Variants in OR51E2 observed in about 807,000 individuals in gnomAD.
OR51E2 encodes the protein olfactory receptor 51E2.
A neutral mutation model predicts 13.7 loss-of-function variants in OR51E2; 14 were observed. That is an observed-to-expected ratio of 1.02 (90% CI 0.68 to 1.60). The LOEUF (loss-of-function observed/expected upper bound fraction) is 1.60. Ranked by LOEUF, OR51E2 falls within the 40% of genes most tolerant of loss-of-function variation. The pLI is 0.00. For missense variants in OR51E2, 483 were observed against 413.8 expected (o/e 1.17, Z -1.45); for synonymous variants, 180 against 157.6 (o/e 1.14, Z -1.07).
intron 1 of OR51E2, among the ~76,000 whole-genome samples, chr11:4,692,601 A>G (rs1180644779): frequency 6.6e-6 from 1 of 152,226 alleles, no homozygotes; most frequent in Non-Finnish European, 1.5e-5. Flanking sequence ...AGAAAGGTAG[A>G]TAGATGGGTA....
At chr11:4,688,922 G>A (rs1847546731) in intron 1 of OR51E2, among the ~76,000 whole-genome samples, 1 of 152,144 alleles carries the variant, frequency 6.6e-6, no homozygotes, top group African/African-American at 2.4e-5. Context: ...GAAGACTGTG[G>A]GTGAGCATGC....
chr11:4,692,403 T>A (rs1425641057), intron 1 of OR51E2, among the ~76,000 whole-genome samples: 1 of 152,250 alleles, frequency 6.6e-6, no homozygotes, highest in Non-Finnish European at 1.5e-5. Context: ...TATAATGTGC[T>A]GCCACGTTCC....
At chr11:4,697,553 A>C (rs1847669932) in intron 1 of OR51E2, 100 bp downstream of exon 1, 1 of 152,620 alleles carries the variant, frequency 6.6e-6, no homozygotes, top group Non-Finnish European at 1.5e-5. Context: ...CCAACATCTA[A>C]TCTAATTCTG....
intron 1 of OR51E2, chr11:4,691,588 T>C: frequency 2.2e-6 from 1 of 456,334 alleles, no homozygotes; most frequent in South Asian, 1.6e-5. Context: ...AAGAGAGCAG[T>C]TACAGAGAGG....
intron 1 of OR51E2, among the ~76,000 whole-genome samples, chr11:4,694,794 G>A (rs1331164156): frequency 2.0e-5 from 3 of 152,150 alleles, no homozygotes; most frequent in Non-Finnish European, 4.4e-5. Context: ...AGAGATAATA[G>A]TGTGGAGTGG....
At chr11:4,690,572 C>T (rs1362441556) in intron 1 of OR51E2, 1 of 256,392 alleles carries the variant, frequency 3.9e-6, no homozygotes, top group African/African-American at 2.3e-5. Flanking sequence ...GTCTTCACCT[C>T]CTCATCTGGA....
intron 1 of OR51E2, among the ~76,000 whole-genome samples, chr11:4,684,249 A>G (rs1248154159): frequency 8.5e-5 from 13 of 152,210 alleles, no homozygotes; most frequent in Admixed American, 7.9e-4. Context: ...GCTCCTTGAC[A>G]AATATTAAAT....
In OR51E2 at chr11:4,682,592, T is replaced by G; in HGVS notation, c.120A>C (p.Gly40=). ...LLSMYVVAMF[G]NCIVVFIVRT... ...TTACGATGAAGACCACGATGCAGTTTCCAAACATTGCCACTACATACATGG... is the reference window on the plus strand; with the variant it reads ...TTACGATGAAGACCACGATGCAGTTGCCAAACATTGCCACTACATACATGG... The change falls in exon 2 of 2, where the codon GGA becomes GGC. Residue 40 remains glycine (G), a synonymous_variant. Coordinates refer to ENST00000396950, the MANE Select transcript of OR51E2 (RefSeq NM_030774.4). 1 of 1,614,204 alleles carries G rather than the reference T, an allele frequency of 6.2e-7. No homozygotes were observed. Among genetic ancestry groups the G allele is most frequent in the Non-Finnish European group, 8.5e-7 (1 of 1,180,042 alleles).
chr11:4,693,571 A>C (rs993614103), intron 1 of OR51E2, among the ~76,000 whole-genome samples: 8 of 152,058 alleles, frequency 5.3e-5, no homozygotes, highest in African/African-American at 1.9e-4. Flanking sequence ...AATACAAAAA[A>C]TTAGCCGGGC....
At chr11:4,683,105 C>T (rs1486378406) in intron 1 of OR51E2, among the ~76,000 whole-genome samples, 1 of 152,078 alleles carries the variant, frequency 6.6e-6, no homozygotes, top group Non-Finnish European at 1.5e-5. Context: ...GATAAGGCTG[C>T]CTTTCTCATT....
intron 1 of OR51E2, among the ~76,000 whole-genome samples, chr11:4,694,798 G>A (rs1847636510): frequency 1.3e-5 from 2 of 152,138 alleles, no homozygotes; most frequent in Admixed American, 1.3e-4. Flanking sequence ...ATAATAGTGT[G>A]GAGTGGCAGA....
intron 1 of OR51E2, chr11:4,685,650 C>T (rs565823152): frequency 2.0e-5 from 3 of 152,268 alleles, no homozygotes; most frequent in African/African-American, 7.2e-5. Flanking sequence ...GCTTTTTGTC[C>T]TAGGTCATAT....
intron 1 of OR51E2, among the ~76,000 whole-genome samples, chr11:4,689,390 A>G (rs1230990950): frequency 6.6e-6 from 1 of 152,210 alleles, no homozygotes; most frequent in Non-Finnish European, 1.5e-5. Flanking sequence ...GAGTGAATAC[A>G]GGAAGAAACT....
intron 1 of OR51E2, among the ~76,000 whole-genome samples, chr11:4,696,024 G>A (rs1047271318): frequency 3.3e-5 from 5 of 152,068 alleles, no homozygotes; most frequent in Non-Finnish European, 5.9e-5. Flanking sequence ...AATCTTTAAC[G>A]CTGTGGCAAA....
chr11:4,694,551 TAC>T (rs200731925), intron 1 of OR51E2, among the ~76,000 whole-genome samples: 2,965 of 129,794 alleles, frequency 0.023, 121 homozygotes, highest in African/African-American at 0.076. Context: ...TATATATATA[TAC>T]ACACACACAT....
In OR51E2 at chr11:4,682,024, T is replaced by C; in HGVS notation, c.688A>G (p.Lys230Glu). The C allele has an allele frequency of 6.2e-7, 1 of 1,614,228 alleles. No homozygotes were observed. Among genetic ancestry groups the C allele is most frequent in the South Asian group, 1.1e-5 (1 of 91,086 alleles). The change falls in exon 2 of 2, where the codon AAG becomes GAG. Residue 230 changes from lysine (K) to glutamate (E), a missense_variant. Transcript: ENST00000396950. The stretch of plus-strand genomic sequence containing the variant: ...CCAAAGGCCTTGGCCCGCTCTGACT[T>C]GGAAGGCAGTTGCAGAACCGTTCGT... ...IIRTVLQLPS[K>E]SERAKAFGTC...
intron 1 of OR51E2, among the ~76,000 whole-genome samples, chr11:4,688,185 T>TG (rs1847536585): frequency 6.6e-6 from 1 of 152,086 alleles, no homozygotes; most frequent in African/African-American, 2.4e-5. Context: ...GGTATAAAAA[T>TG]GCTAAAAATT....
At chr11:4,697,137 T>G (rs928142506) in intron 1 of OR51E2, among the ~76,000 whole-genome samples, 1 of 152,224 alleles carries the variant, frequency 6.6e-6, no homozygotes, top group Admixed American at 6.5e-5. Flanking sequence ...TGAAACATAT[T>G]TGAAATCACA....
chr11:4,682,255 G>A lies in OR51E2; in HGVS notation c.457C>T (p.Leu153Phe), dbSNP rs757486265. 3 of 1,614,158 alleles carry A rather than the reference G, an allele frequency of 1.9e-6. No homozygotes were observed. In the Admixed American group the frequency reaches 5.0e-5, roughly 27 times the overall value. The stretch of plus-strand genomic sequence containing the variant: ...AGCAGAGGCAGTGGGAAAAAAAAGA[G>A]GGATCCGCGGACCACAGCCACGATG... ...IGIVAVVRGS[L>F]FFFPLPLLIK... Residue 153 changes from leucine to phenylalanine, a missense_variant, in exon 2 of 2, where the codon CTC becomes TTC. Physicochemically the swap from Leu to Phe is conservative, Grantham distance 22. Coordinates refer to ENST00000396950, the MANE Select transcript of OR51E2 (RefSeq NM_030774.4).
Sources: allele counts gnomAD v4.1 joint callset (sites outside exome capture counted in the v4.1 genomes callset), GRCh38; gene constraint gnomAD v4.1.1; transcripts MANE v1.5; gene names NCBI Gene and HGNC (gene_info 2026-07-23, HGNC 2026-07-21).